The following ABLIM3 variants were observed in gnomAD, a reference collection of about 807,000 sequenced individuals.
ABLIM3 encodes actin binding LIM protein family member 3.
In ABLIM3, 61 loss-of-function variants were observed where a neutral mutation model predicts 109.5. That is an observed-to-expected ratio of 0.56 (90% confidence interval 0.45 to 0.69). The LOEUF (loss-of-function observed/expected upper bound fraction) is 0.69, where lower values mean the gene tolerates loss of function less well. Among genes scored for constraint, ABLIM3 ranks in the 30% least tolerant of loss-of-function variants. The pLI is 0.00. For missense variants in ABLIM3, 796 were observed against 889.5 expected (o/e 0.89, Z 1.34); for synonymous variants, 300 against 324.8 (o/e 0.92, Z 0.82).
Position 149,158,225 on chromosome 5 carries a change from G to A in ABLIM3, c.13+16117G>A, listed in dbSNP as rs899858482. Among the ~76,000 whole-genome samples, 3 of 152,094 alleles carry A rather than the reference G, an allele frequency of 2.0e-5. No individual in the cohort carries two copies. In the South Asian group the frequency reaches 6.2e-4, roughly 32 times the overall value. ...GAAGATAGAAATCACGTGTCTATGG[G>A]GTATAATGTATTTGTTCCCCAACTG... On this transcript the variant is annotated intron_variant, in intron 2 of 23. Transcript: ENST00000309868.
intron 3 of ABLIM3, among the ~76,000 whole-genome samples, chr5:149,190,016 G>C (rs1307126024): frequency 6.6e-6 from 1 of 152,128 alleles, no homozygotes; most frequent in Non-Finnish European, 1.5e-5. Context: ...CTCCACAGAG[G>C]GATACTATTT....
intron 11 of ABLIM3, 122 bp downstream of exon 11, chr5:149,237,725 C>CCTG: frequency 7.5e-7 from 1 of 1,324,810 alleles, no homozygotes; most frequent in South Asian, 1.6e-5. Flanking sequence ...CTCTTCTACA[C>CCTG]TGGGATTTAT....
intron 8 of ABLIM3, among the ~76,000 whole-genome samples, chr5:149,224,361 C>T (rs1372713369): frequency 6.6e-6 from 1 of 152,178 alleles, no homozygotes; most frequent in East Asian, 1.9e-4. Flanking sequence ...TGGTAACCAG[C>T]CTCATGGTAA....
At chr5:149,180,971 G>A (rs1330044735) in intron 2 of ABLIM3, among the ~76,000 whole-genome samples, 2 of 152,196 alleles carry the variant, frequency 1.3e-5, no homozygotes, top group African/African-American at 4.8e-5. Context: ...GATCTTAGAA[G>A]TTGGCTCTTG....
intron 6 of ABLIM3, 142 bp from the exon 7 acceptor site, chr5:149,210,584 A>G: frequency 2.9e-6 from 2 of 690,232 alleles, no homozygotes; most frequent in Non-Finnish European, 2.6e-6. Flanking sequence ...TGATTCTTTC[A>G]TACAGATGAA....
chr5:149,200,037 G>A (rs145187663), intron 4 of ABLIM3, among the ~76,000 whole-genome samples: 66 of 152,314 alleles, frequency 4.3e-4, no homozygotes, highest in African/African-American at 1.1e-3. Context: ...TATCTGAGGC[G>A]TTAGTAATCT....
At chr5:149,178,705 G>A (rs971471357) in intron 2 of ABLIM3, among the ~76,000 whole-genome samples, 2 of 152,218 alleles carry the variant, frequency 1.3e-5, no homozygotes, top group Non-Finnish European at 1.5e-5. Flanking sequence ...GTCATTCGCT[G>A]TTTTTAAAAG....
chr5:149,248,297 G>T (rs1753586461), intron 18 of ABLIM3, among the ~76,000 whole-genome samples: 2 of 152,254 alleles, frequency 1.3e-5, no homozygotes, highest in Non-Finnish European at 1.5e-5. Flanking sequence ...ATTTGGAAAG[G>T]CGCTCTATGG....
chr5:149,149,623 T>C (rs1753248684), intron 2 of ABLIM3, among the ~76,000 whole-genome samples: 1 of 152,148 alleles, frequency 6.6e-6, no homozygotes, highest in African/African-American at 2.4e-5. Context: ...AAAATTTGGA[T>C]GGTTATAAAA....
intron 16 of ABLIM3, among the ~76,000 whole-genome samples, chr5:149,245,595 G>A (rs560806498): frequency 6.6e-6 from 1 of 152,124 alleles, no homozygotes; most frequent in African/African-American, 2.4e-5. Flanking sequence ...CACATTGAAA[G>A]TAGTGGCATG....
intron 2 of ABLIM3, among the ~76,000 whole-genome samples, chr5:149,144,695 G>A (rs542265286): frequency 4.6e-5 from 7 of 152,288 alleles, no homozygotes; most frequent in Middle Eastern, 3.4e-3. Flanking sequence ...GTTCAGAAAC[G>A]TTGTAGTTAA....
At chr5:149,197,382 C>A (rs1317406209) in intron 3 of ABLIM3, among the ~76,000 whole-genome samples, 2 of 152,178 alleles carry the variant, frequency 1.3e-5, no homozygotes, top group East Asian at 3.9e-4. Context: ...TGATCCCTTG[C>A]AACTGACAAG....
At chr5:149,237,395 C>T in intron 10 of ABLIM3, 53 bp from the exon 11 acceptor site, 4 of 1,581,700 alleles carry the variant, frequency 2.5e-6, no homozygotes, top group Non-Finnish European at 3.5e-6. Flanking sequence ...CTCTCCATTC[C>T]CTTTTCCCTC....
chr5:149,222,804 T>C (rs776187132), intron 8 of ABLIM3, among the ~76,000 whole-genome samples: 1 of 151,956 alleles, frequency 6.6e-6, no homozygotes. Context: ...CCCATTGTTA[T>C]GGGTTGTGGA....
intron 20 of ABLIM3, 45 bp downstream of exon 20, chr5:149,250,550 A>G: frequency 1.2e-6 from 2 of 1,605,236 alleles, no homozygotes; most frequent in South Asian, 2.2e-5. Flanking sequence ...TGTCCCCAAA[A>G]TGCTAATAAA....
chr5:149,187,652 A>G (rs964506732), intron 3 of ABLIM3, among the ~76,000 whole-genome samples: 1 of 152,144 alleles, frequency 6.6e-6, no homozygotes, highest in East Asian at 1.9e-4. Context: ...TCGTAAAGCA[A>G]CATTTTTCAA....
intron 3 of ABLIM3, among the ~76,000 whole-genome samples, chr5:149,183,974 T>TG (rs541960753): frequency 4.4e-4 from 65 of 146,882 alleles, no homozygotes; most frequent in East Asian, 2.7e-4. Flanking sequence ...TTTTTTGGTT[T>TG]TTTTTTTTTT....
chr5:149,154,320 A>C (rs1249676961), intron 2 of ABLIM3, among the ~76,000 whole-genome samples: 1 of 152,204 alleles, frequency 6.6e-6, no homozygotes, highest in Non-Finnish European at 1.5e-5. Flanking sequence ...CTCGAAAGAG[A>C]GTTGCCTGTG....
At chr5:149,242,439 T>C (rs1049723376) in intron 14 of ABLIM3, 52 bp from the exon 15 acceptor site, 7 of 1,574,402 alleles carry the variant, frequency 4.4e-6, no homozygotes, top group Non-Finnish European at 6.1e-6. Context: ...CTCCCTTTTC[T>C]CCTGTCTCTC....
Sources: gnomAD v4.1 joint callset for allele counts (sites outside exome capture counted in the v4.1 genomes callset) on GRCh38, gnomAD v4.1.1 for gene constraint, MANE v1.5 for transcripts, NCBI Gene and HGNC (gene_info 2026-07-23, HGNC 2026-07-21) for gene names.